TARBP1: variants seen among roughly 807,000 people sequenced by gnomAD.
The protein encoded by TARBP1 is tRNA guanosine 2 -O-methyltransferase TARBP1.
In TARBP1, 144 loss-of-function variants were observed where a neutral mutation model predicts 178.6. The ratio of observed to expected loss-of-function variants is 0.81; its 90% CI spans 0.70 to 0.93. The LOEUF is 0.93. TARBP1 is among the 40% of genes least tolerant of loss of function. The pLI, the probability that TARBP1 is intolerant of heterozygous loss-of-function variation, is 0.00. For synonymous variants in TARBP1, 787 were observed against 781.0 expected (o/e 1.01, Z -0.13); for missense variants, 2,067 against 2,011.7 (o/e 1.03, Z -0.53).
intron 9 of TARBP1, among the ~76,000 whole-genome samples, 180 bp downstream of exon 9, chr1:234,457,487 C>G (rs1667405119): frequency 6.6e-6 from 1 of 152,168 alleles, no homozygotes; most frequent in Admixed American, 6.5e-5. Flanking sequence ...CCCACCTCTC[C>G]ATAAGCATCT....
chr1:234,432,065 G>C (rs1558197997), intron 14 of TARBP1, among the ~76,000 whole-genome samples: 1 of 146,188 alleles, frequency 6.8e-6, no homozygotes, highest in Non-Finnish European at 1.5e-5. Flanking sequence ...TGAACCTGGG[G>C]GGCCAAGGTT....
intron 1 of TARBP1, among the ~76,000 whole-genome samples, chr1:234,477,894 C>T (rs1484470716): frequency 6.6e-6 from 1 of 152,148 alleles, no homozygotes; most frequent in Non-Finnish European, 1.5e-5. Context: ...TCTGTAAAAT[C>T]TTGCACGGGC....
rs1009393491 is a variant in TARBP1 at position 234,424,870 on chromosome 1, T to C, written c.3444+803A>G. On this transcript the variant is annotated intron_variant, in intron 20 of 29. Coordinates refer to ENST00000040877, the MANE Select transcript of TARBP1 (RefSeq NM_005646.4). The stretch of plus-strand genomic sequence containing the variant: ...TGAGGTCGGGAGTTCGAGACCAGCC[T>C]GACCAACATGGAGAAACCCCGTCTC... 4.7e-4 allele frequency among the ~76,000 whole-genome samples: 71 copies of C among 152,246 alleles called. No individual in the cohort carries two copies. In the Middle Eastern group the frequency reaches 0.01, roughly 22 times the overall value.
intron 10 of TARBP1, among the ~76,000 whole-genome samples, chr1:234,449,399 G>A (rs898474983): frequency 3.3e-5 from 5 of 152,226 alleles, no homozygotes; most frequent in African/African-American, 9.6e-5. Flanking sequence ...AGGTAACTCC[G>A]TAAGAGGCAA....
chr1:234,426,885 C>T (rs1663837147), intron 19 of TARBP1, among the ~76,000 whole-genome samples: 1 of 152,158 alleles, frequency 6.6e-6, no homozygotes, highest in African/African-American at 2.4e-5. Context: ...CCAAAAACTT[C>T]AGAGTCTGTT....
intron 14 of TARBP1, among the ~76,000 whole-genome samples, chr1:234,431,388 G>C (rs999457560): frequency 6.6e-6 from 1 of 152,170 alleles, no homozygotes; most frequent in East Asian, 1.9e-4. Context: ...TTCATGGTTT[G>C]GTTGTATATT....
intron 12 of TARBP1, among the ~76,000 whole-genome samples, chr1:234,446,065 T>G (rs528863514): frequency 6.7e-6 from 1 of 148,542 alleles, no homozygotes; most frequent in Admixed American, 6.8e-5. Flanking sequence ...TTATATTTCA[T>G]AAGCATATAT....
At chr1:234,428,240 C>A (rs1664003518) in intron 17 of TARBP1, among the ~76,000 whole-genome samples, 1 of 152,188 alleles carries the variant, frequency 6.6e-6, no homozygotes, top group East Asian at 1.9e-4. Context: ...ACTGGAACTC[C>A]ACCTTGGTAT....
rs1669024628 is a variant in TARBP1, at chr1:234,471,234, T to C, written c.1053A>G (p.Leu351=). ...GNQIHVIKPV[L]PKLNNLFEYA... ...ATTCAAACAGATTGTTTAGCTTTGGTAAAACTGGCTTTATAACATGTATCT... is the reference window on the plus strand; with the variant it reads ...ATTCAAACAGATTGTTTAGCTTTGGCAAAACTGGCTTTATAACATGTATCT... Residue 351 remains leucine, a synonymous_variant, in exon 3 of 30, where the codon TTA becomes TTG. Transcript: ENST00000040877. 6.3e-7 allele frequency: 1 copy of C among 1,599,010 alleles called. No homozygotes were observed. The highest frequency in any genetic ancestry group is 1.3e-5 in the African/African-American group (1 of 74,102).
chr1:234,423,748 A>ATTTT (rs1228790622), intron 20 of TARBP1, among the ~76,000 whole-genome samples: 2 of 130,978 alleles, frequency 1.5e-5, no homozygotes, highest in Admixed American at 7.9e-5. Flanking sequence ...TTTTTTCTGA[A>ATTTT]TTTTTTTTTT....
chr1:234,468,868 AG>A (rs891115777), intron 3 of TARBP1, among the ~76,000 whole-genome samples: 1 of 151,746 alleles, frequency 6.6e-6, no homozygotes, highest in African/African-American at 2.4e-5. Context: ...ATCATAAGAC[AG>A]GCCTTCCCTG....
intron 1 of TARBP1, 32 bp downstream of exon 1, chr1:234,478,140 TA>T: frequency 1.3e-6 from 2 of 1,596,254 alleles, no homozygotes; most frequent in Non-Finnish European, 1.7e-6. Context: ...GCCAAGTAGG[TA>T]GCACTAGGCT....
At chr1:234,438,538 T>C (rs1665268514) in intron 12 of TARBP1, among the ~76,000 whole-genome samples, 1 of 151,846 alleles carries the variant, frequency 6.6e-6, no homozygotes, top group African/African-American at 2.4e-5. Flanking sequence ...ACAAAGGAGG[T>C]GCGAGAGGAG....
At chr1:234,424,915 G>A (rs1238672006) in intron 20 of TARBP1, among the ~76,000 whole-genome samples, 1 of 152,148 alleles carries the variant, frequency 6.6e-6, no homozygotes, top group South Asian at 2.1e-4. Flanking sequence ...TACAAAATTA[G>A]CCGGGCATGG....
chr1:234,454,352 A>G (rs1263206831), intron 9 of TARBP1, among the ~76,000 whole-genome samples: 1 of 152,220 alleles, frequency 6.6e-6, no homozygotes, highest in Non-Finnish European at 1.5e-5. Flanking sequence ...TAGGTGTGAT[A>G]AAGGCTTATT....
Position 234,394,614 on chromosome 1 carries a change from C to T in TARBP1, c.4244-777G>A, listed in dbSNP as rs866606500. Among the ~76,000 whole-genome samples the T allele has an allele frequency of 3.7e-4, 57 of 152,148 alleles. 2 individuals carry two copies. The highest frequency in any genetic ancestry group is 1.2e-4 in the African/African-American group (5 of 41,420). Reference sequence around the variant, plus strand: ...GAGGGAGAAGCAAAGGGTAAGACCCCGGAAGGCTCGCGGGAAGGAAGGTAA... The same window carrying T: ...GAGGGAGAAGCAAAGGGTAAGACCCTGGAAGGCTCGCGGGAAGGAAGGTAA... On this transcript the variant is annotated intron_variant, in intron 26 of 29. Transcript: ENST00000040877.
chr1:234,458,791 C>T (rs540028004), intron 8 of TARBP1, among the ~76,000 whole-genome samples: 83 of 152,308 alleles, frequency 5.4e-4, no homozygotes, highest in African/African-American at 1.7e-3. Context: ...ACCCAGGACA[C>T]ACTTAGCTCC....
In TARBP1 at chr1:234,427,615, T is replaced by G. The variant is rs368424996; in HGVS notation, c.3212A>C (p.Glu1071Ala). The change falls in exon 18 of 30, where the codon GAG (glutamate) becomes GCG (alanine). Residue 1071 changes from glutamate to alanine, a missense_variant. Coordinates refer to ENST00000040877, the MANE Select transcript of TARBP1 (RefSeq NM_005646.4). ...AAACACAGTTCCAAATATACAAGCC[T>G]CAAGGATAAGTTCGCTATAATTTTT... ...SAKNYSELILEACIFGTVFRR... is the reference protein window; with the variant it reads ...SAKNYSELILAACIFGTVFRR... The G allele has an allele frequency of 3.0e-5, 48 of 1,599,386 alleles. No homozygotes were observed. The highest frequency in any genetic ancestry group is 3.8e-5 in the Non-Finnish European group (45 of 1,176,406).
intron 25 of TARBP1, among the ~76,000 whole-genome samples, chr1:234,400,056 A>ATAAAAAC (rs373374268): frequency 2.6e-5 from 4 of 152,034 alleles, no homozygotes; most frequent in South Asian, 2.1e-4. Context: ...ATAAAAACAA[A>ATAAAAAC]AAAAAAACAA....
Sources: gnomAD v4.1 joint callset for allele counts (sites outside exome capture counted in the v4.1 genomes callset) on GRCh38, gnomAD v4.1.1 for gene constraint, MANE v1.5 for transcripts, NCBI Gene and HGNC (gene_info 2026-07-23, HGNC 2026-07-21) for gene names.